Variants in TMEM26 observed in about 807,000 individuals in gnomAD.
TMEM26 encodes the protein transmembrane protein 26.
TMEM26 carries 38 observed loss-of-function variants against 28.8 expected under a neutral mutation model. The observed-to-expected ratio is 1.32, with a 90% CI of 1.02 to 1.73. TMEM26 has a LOEUF of 1.73. Among genes scored for constraint, TMEM26 ranks in the 40% most tolerant of loss-of-function variants. The pLI, the probability that TMEM26 is intolerant of heterozygous loss-of-function variation, is 0.00. For synonymous variants in TMEM26, 227 were observed against 182.9 expected (o/e 1.24, Z -1.95); for missense variants, 518 against 447.1 (o/e 1.16, Z -1.43).
At position 61,407,858 on chromosome 10, in the gene TMEM26, T is replaced by A. The variant is rs1839515227; in HGVS notation, c.*2464A>T. 6.6e-6 allele frequency: 1 copy of A among 152,100 alleles called. No homozygotes were observed. The highest frequency in any genetic ancestry group is 2.1e-4 in the South Asian group (1 of 4,830). 9.4% of individuals were successfully genotyped at this position (152,100 alleles called of 1,614,324 possible). A position where few individuals can be genotyped will look rare whatever the true frequency, so the allele number is the denominator to read the frequency against. ...TGTGAGTCAGTTATCTTATTACAGATAAAATGTAAACAAGTCCCAGGATGT... is the reference window on the plus strand; with the variant it reads ...TGTGAGTCAGTTATCTTATTACAGAAAAAATGTAAACAAGTCCCAGGATGT... On this transcript the variant is annotated 3_prime_UTR_variant, in exon 6 of 6. Transcript: ENST00000399298.
At chr10:61,425,683 A>C (rs529865366) in intron 4 of TMEM26, among the ~76,000 whole-genome samples, 7 of 152,316 alleles carry the variant, frequency 4.6e-5, no homozygotes, top group African/African-American at 1.4e-4. Flanking sequence ...ATTTCCATGA[A>C]AAGATGCTCA....
At chr10:61,450,598 C>A (rs2135341762) in intron 1 of TMEM26, among the ~76,000 whole-genome samples, 1 of 151,964 alleles carries the variant, frequency 6.6e-6, no homozygotes, top group African/African-American at 2.4e-5. Context: ...AGACCATTTA[C>A]CAAGACTCAT....
chr10:61,436,759 G>A (rs1224501206), intron 1 of TMEM26, among the ~76,000 whole-genome samples: 1 of 152,152 alleles, frequency 6.6e-6, no homozygotes, highest in Non-Finnish European at 1.5e-5. Flanking sequence ...TAACCCATTG[G>A]CTTTGTGTGT....
chr10:61,451,140 T>C (rs192938782), intron 1 of TMEM26, among the ~76,000 whole-genome samples: 79 of 152,304 alleles, frequency 5.2e-4, no homozygotes, highest in African/African-American at 1.8e-3. Flanking sequence ...GTTCCCTGTA[T>C]AACTTGACTT....
At chr10:61,436,016 A>G (rs949002054) in intron 2 of TMEM26, among the ~76,000 whole-genome samples, 154 bp downstream of exon 2, 1 of 152,146 alleles carries the variant, frequency 6.6e-6, no homozygotes, top group Non-Finnish European at 1.5e-5. Context: ...GGGGCAAATC[A>G]TGGATTCACT....
chr10:61,410,447 A>C lies in TMEM26; in HGVS notation c.982T>G (p.Cys328Gly). ...QSEGLKGEHG[C>G]RAQTSESGPS... ...CCACTCTCAGAGGTCTGTGCCCGGC[A>C]ACCATGTTCTCCTTTCAGGCCTTCT... The change falls in exon 6 of 6, where the codon TGC becomes GGC. Residue 328 changes from cysteine (C) to glycine (G), a missense_variant. Transcript: ENST00000399298. 1 of 1,614,104 alleles carries C rather than the reference A, an allele frequency of 6.2e-7. No homozygotes were observed.
chr10:61,440,249 C>CA (rs903882050), intron 1 of TMEM26, among the ~76,000 whole-genome samples: 11 of 151,168 alleles, frequency 7.3e-5, no homozygotes, highest in African/African-American at 2.2e-4. Context: ...CAAAAAAAAG[C>CA]AAAAAAAATG....
intron 1 of TMEM26, among the ~76,000 whole-genome samples, chr10:61,442,752 CA>C (rs1432656421): frequency 6.6e-6 from 1 of 152,202 alleles, no homozygotes; most frequent in Non-Finnish European, 1.5e-5. Context: ...TCTAACAATG[CA>C]AAGGTTGTCT....
intron 5 of TMEM26, chr10:61,412,751 G>A: frequency 3.8e-6 from 1 of 263,192 alleles, no homozygotes; most frequent in Non-Finnish European, 7.5e-6. Context: ...TGACTGAGGA[G>A]TTGGAATTTT....
chr10:61,428,868 G>C lies in TMEM26; in HGVS notation c.605+58C>G, dbSNP rs1839873458. Reference sequence around the variant, plus strand: ...TGAAATACAAGTCACAGAACAAAGAGACAGGTGCATGGTCTTGACCCTGAA... The same window carrying C: ...TGAAATACAAGTCACAGAACAAAGACACAGGTGCATGGTCTTGACCCTGAA... On this transcript the variant is annotated intron_variant, in intron 4 of 5. Coordinates refer to ENST00000399298, the MANE Select transcript of TMEM26 (RefSeq NM_178505.8). 4 of 1,424,774 alleles carry C rather than the reference G, an allele frequency of 2.8e-6. No individual in the cohort carries two copies. The Middle Eastern group carries it at 5.3e-4, about 188-fold the overall frequency. The allele number at this position is 1,424,774 out of a possible 1,614,324, so 88.3% of individuals were successfully genotyped here.
chr10:61,430,053 T>G (rs180725385), intron 3 of TMEM26, among the ~76,000 whole-genome samples: 60 of 152,206 alleles, frequency 3.9e-4, no homozygotes, highest in Admixed American at 1.4e-3. Flanking sequence ...ATCAAGAATA[T>G]TCCATCTGTA....
intron 4 of TMEM26, among the ~76,000 whole-genome samples, chr10:61,421,149 T>C (rs1173283810): frequency 2.0e-5 from 3 of 151,984 alleles, no homozygotes; most frequent in Non-Finnish European, 4.4e-5. Context: ...TAATAGAGTG[T>C]GAAATTTTAA....
In TMEM26 at chr10:61,412,573, A is replaced by T. The variant is rs565711675; in HGVS notation, c.682+886T>A. 2.0e-5 allele frequency among the ~76,000 whole-genome samples: 3 copies of T among 152,304 alleles called. No homozygotes were observed. The South Asian group carries it at 6.2e-4, about 32-fold the overall frequency. On this transcript the variant is annotated intron_variant, in intron 5 of 5. Transcript: ENST00000399298. ...TAGAATTTCTTTGGAGTAAAGTGAC[A>T]TCCAGGAGAATTCTCAAATCAAAAT...
At chr10:61,452,435 T>C (rs1840302865) in intron 1 of TMEM26, among the ~76,000 whole-genome samples, 1 of 152,204 alleles carries the variant, frequency 6.6e-6, no homozygotes, top group Non-Finnish European at 1.5e-5. Context: ...GTGGCCAGTG[T>C]GCTCAGCTCT....
At chr10:61,444,875 A>G (rs1479799201) in intron 1 of TMEM26, among the ~76,000 whole-genome samples, 2 of 152,094 alleles carry the variant, frequency 1.3e-5, no homozygotes, top group Non-Finnish European at 2.9e-5. Context: ...ATCTGCAAGC[A>G]GAGGCATAAA....
chr10:61,445,718 A>G (rs532335147), intron 1 of TMEM26, among the ~76,000 whole-genome samples: 1 of 152,306 alleles, frequency 6.6e-6, no homozygotes, highest in East Asian at 1.9e-4. Flanking sequence ...TTTTAACAAA[A>G]CATTTTATAT....
intron 1 of TMEM26, among the ~76,000 whole-genome samples, chr10:61,450,142 A>C (rs1202393226): frequency 6.6e-6 from 1 of 152,114 alleles, no homozygotes; most frequent in African/African-American, 2.4e-5. Flanking sequence ...CTTTAGTTCT[A>C]CAGGGTTGAT....
chr10:61,429,860 T>C (rs953553010), intron 3 of TMEM26, among the ~76,000 whole-genome samples: 6 of 152,070 alleles, frequency 3.9e-5, no homozygotes, highest in African/African-American at 1.4e-4. Context: ...TCTCAAAGTA[T>C]ACTATTGCCC....
rs115815957 is a variant in TMEM26, at chr10:61,426,385, T to C, written c.605+2541A>G. Among the ~76,000 whole-genome samples, 835 of 152,220 alleles carry C rather than the reference T, an allele frequency of 5.5e-3. 11 individuals are homozygous for C. The highest frequency in any genetic ancestry group is 0.019 in the African/African-American group (787 of 41,574). On this transcript the variant is annotated intron_variant, in intron 4 of 5. Coordinates refer to ENST00000399298, the MANE Select transcript of TMEM26 (RefSeq NM_178505.8). The stretch of plus-strand genomic sequence containing the variant: ...ATAATTACTAAATATCATTAAACAA[T>C]AGAATTACAGTTGAACTTTATGTTA...
Sources: gnomAD v4.1 joint callset for allele counts (sites outside exome capture counted in the v4.1 genomes callset) on GRCh38, gnomAD v4.1.1 for gene constraint, MANE v1.5 for transcripts, NCBI Gene and HGNC (gene_info 2026-07-23, HGNC 2026-07-21) for gene names.